CLYBL: variants seen among roughly 807,000 people sequenced by gnomAD.
CLYBL encodes the protein citramalyl-CoA lyase, also known as citramalyl-CoA lyase, mitochondrial.
In CLYBL, 31 loss-of-function variants were observed where a neutral mutation model predicts 38.9. The ratio of observed to expected loss-of-function variants is 0.80; its 90% confidence interval spans 0.60 to 1.08. CLYBL has a LOEUF of 1.08. CLYBL is among the 50% of genes least tolerant of loss of function. The pLI is 0.00. For synonymous variants in CLYBL, 171 were observed against 158.6 expected (o/e 1.08, Z -0.59); for missense variants, 434 against 411.6 (o/e 1.05, Z -0.47).
At chr13:99,782,818 C>T (rs1478737633) in intron 2 of CLYBL, among the ~76,000 whole-genome samples, 1 of 151,916 alleles carries the variant, frequency 6.6e-6, no homozygotes, top group South Asian at 2.1e-4. Flanking sequence ...CACATATGGC[C>T]TCTGTTTCTC....
chr13:99,725,581 T>G (rs1486769198), intron 1 of CLYBL, among the ~76,000 whole-genome samples: 1 of 152,192 alleles, frequency 6.6e-6, no homozygotes, highest in Admixed American at 6.5e-5. Context: ...AGAAACTCAG[T>G]GGGAAATGTT....
At chr13:99,718,564 A>G (rs78669727) in intron 1 of CLYBL, among the ~76,000 whole-genome samples, 2,096 of 152,220 alleles carry the variant, frequency 0.014, 56 homozygotes, top group African/African-American at 0.047. Context: ...ACTCGTGTCT[A>G]TGAGGCAGTG....
intron 1 of CLYBL, among the ~76,000 whole-genome samples, chr13:99,692,758 A>G (rs2047926364): frequency 1.3e-5 from 2 of 152,126 alleles, no homozygotes; most frequent in Admixed American, 1.3e-4. Context: ...TCTCCTGACA[A>G]CCACTAATCT....
Position 99,775,373 on chromosome 13 carries a change from G to C in CLYBL, c.249+2363G>C, listed in dbSNP as rs546561259. 7.2e-5 allele frequency among the ~76,000 whole-genome samples: 11 copies of C among 152,288 alleles called. No individual in the cohort carries two copies. The East Asian group carries it at 2.1e-3, about 29-fold the overall frequency. ...CCTGAGGAGGAGAAGGGAAAGAAGA[G>C]TTAATGATTGCCCACCATCTTGAAG... On this transcript the variant is annotated intron_variant, in intron 2 of 8. Coordinates refer to ENST00000339105, the MANE Select transcript of CLYBL (RefSeq NM_206808.5).
intron 1 of CLYBL, among the ~76,000 whole-genome samples, chr13:99,697,665 T>C (rs186510942): frequency 0.02 from 2,961 of 149,288 alleles, 82 homozygotes; most frequent in African/African-American, 0.068. Context: ...TTCTTTCTTT[T>C]TTTTTTTTTT....
At chr13:99,764,031 A>G (rs771667841) in intron 1 of CLYBL, among the ~76,000 whole-genome samples, 6 of 151,628 alleles carry the variant, frequency 4.0e-5, no homozygotes, top group Non-Finnish European at 7.4e-5. Context: ...TGGAGTATTC[A>G]TTCCTCTTCA....
chr13:99,776,025 G>T (rs972679596), intron 2 of CLYBL, among the ~76,000 whole-genome samples: 2 of 151,736 alleles, frequency 1.3e-5, no homozygotes, highest in Non-Finnish European at 2.9e-5. Flanking sequence ...TTAGCTGGGC[G>T]TGGTGGCGGG....
intron 1 of CLYBL, among the ~76,000 whole-genome samples, chr13:99,611,406 A>G (rs912634157): frequency 2.0e-5 from 3 of 152,196 alleles, no homozygotes; most frequent in Non-Finnish European, 2.9e-5. Flanking sequence ...TGTGTTGATC[A>G]TAAGGCTTTT....
intron 2 of CLYBL, among the ~76,000 whole-genome samples, chr13:99,832,931 G>A (rs1189774406): frequency 7.1e-6 from 1 of 139,912 alleles, no homozygotes; most frequent in Non-Finnish European, 1.5e-5. Flanking sequence ...ACCATTATAT[G>A]TTAATGGTAC....
chr13:99,816,509 A>C (rs1378205395), intron 2 of CLYBL, among the ~76,000 whole-genome samples: 4 of 152,240 alleles, frequency 2.6e-5, no homozygotes, highest in African/African-American at 9.6e-5. Flanking sequence ...ACCTGAATGT[A>C]TGTGTCACCC....
At chr13:99,815,128 C>G (rs2050417786) in intron 2 of CLYBL, among the ~76,000 whole-genome samples, 1 of 152,136 alleles carries the variant, frequency 6.6e-6, no homozygotes, top group Admixed American at 6.5e-5. Context: ...GGAGGCACTT[C>G]AGAACCCACT....
intron 2 of CLYBL, 38 bp downstream of exon 2, chr13:99,773,048 T>C (rs1021836709): frequency 6.4e-7 from 1 of 1,574,610 alleles, no homozygotes. Flanking sequence ...AAGAAAGGTA[T>C]TGAAATTTGC....
chr13:99,635,189 G>A (rs943652181), intron 1 of CLYBL, among the ~76,000 whole-genome samples: 5 of 152,012 alleles, frequency 3.3e-5, no homozygotes, highest in African/African-American at 1.2e-4. Flanking sequence ...CCCCAGGTAC[G>A]TTTCATTAGG....
chr13:99,881,249 A>C (rs952937181), intron 7 of CLYBL, among the ~76,000 whole-genome samples: 1 of 152,206 alleles, frequency 6.6e-6, no homozygotes, highest in Non-Finnish European at 1.5e-5. Flanking sequence ...TCATGTAGAG[A>C]TACATTAGCA....
At chr13:99,897,820 G>T (rs570819144), downstream of CLYBL, among the ~76,000 whole-genome samples, 9 of 152,218 alleles carry the variant, frequency 5.9e-5, 1 homozygote, top group South Asian at 1.7e-3. Flanking sequence ...GGTGGCGCAT[G>T]CTTGTAATCC....
At chr13:99,819,416 TTATATATATATATA>T (rs71715024) in intron 2 of CLYBL, among the ~76,000 whole-genome samples, 431 of 18,348 alleles carry the variant, frequency 0.023, 7 homozygotes, top group Middle Eastern at 0.031. Flanking sequence ...GGGAAAAAAT[TTATATATATATATA>T]TATATATATA....
chr13:99,818,446 A>AACACACACACACACACACACACACAC (rs57249330), intron 2 of CLYBL, among the ~76,000 whole-genome samples: 2 of 143,220 alleles, frequency 1.4e-5, no homozygotes, highest in African/African-American at 5.2e-5. Context: ...TGGAGCAGAA[A>AACACACACACACACACACACACACAC]ACACACACAC....
intron 1 of CLYBL, among the ~76,000 whole-genome samples, chr13:99,754,438 A>G (rs2049017987): frequency 6.7e-6 from 1 of 150,250 alleles, no homozygotes; most frequent in Non-Finnish European, 1.5e-5. Context: ...AAAAAAAAAA[A>G]AGAGGAGAGA....
chr13:99,613,207 G>T (rs910910494), intron 1 of CLYBL, among the ~76,000 whole-genome samples: 14 of 152,186 alleles, frequency 9.2e-5, no homozygotes, highest in African/African-American at 2.6e-4. Context: ...AAAAGAAAAA[G>T]GGCTCCCTGG....
Sources: gnomAD v4.1 joint callset for allele counts (sites outside exome capture counted in the v4.1 genomes callset) on GRCh38, gnomAD v4.1.1 for gene constraint, MANE v1.5 for transcripts, NCBI Gene and HGNC (gene_info 2026-07-23, HGNC 2026-07-21) for gene names.